SUPT3H: variants seen among roughly 807,000 people sequenced by gnomAD.
SUPT3H encodes the protein SPT3 homolog, SAGA and STAGA complex component.
Under a neutral mutation model 44.3 loss-of-function variants are expected in SUPT3H, and 44 were observed. That is an observed-to-expected ratio of 0.99 (90% CI 0.78 to 1.28). The LOEUF (loss-of-function observed/expected upper bound fraction) is 1.28. Among genes scored for constraint, SUPT3H ranks in the 50% most tolerant of loss-of-function variants. SUPT3H has a pLI of 0.00. For missense variants in SUPT3H, 380 were observed against 387.1 expected, an observed-to-expected ratio of 0.98 and a Z score of 0.15; for synonymous variants, 124 against 125.6, an observed-to-expected ratio of 0.99 and a Z score of 0.09.
At chr6:45,054,286 T>C (rs1790781916) in intron 3 of SUPT3H, among the ~76,000 whole-genome samples, 1 of 152,060 alleles carries the variant, frequency 6.6e-6, no homozygotes, top group Admixed American at 6.5e-5. Flanking sequence ...TTCTCTGAAG[T>C]AGGTCTTAAG....
intron 2 of SUPT3H, among the ~76,000 whole-genome samples, chr6:45,343,085 A>G (rs1490636592): frequency 3.9e-5 from 6 of 152,220 alleles, no homozygotes; most frequent in Non-Finnish European, 8.8e-5. Context: ...GTCTACACTG[A>G]TCTGACAAAA....
At chr6:45,331,692 A>G (rs1345221821) in intron 2 of SUPT3H, among the ~76,000 whole-genome samples, 1 of 151,990 alleles carries the variant, frequency 6.6e-6, no homozygotes, top group African/African-American at 2.4e-5. Flanking sequence ...TAAAACACTG[A>G]AAAGAAATTG....
intron 2 of SUPT3H, among the ~76,000 whole-genome samples, chr6:45,337,540 C>T (rs958994074): frequency 2.6e-5 from 4 of 151,784 alleles, no homozygotes; most frequent in African/African-American, 2.4e-5. Flanking sequence ...TCTTTTGCTA[C>T]GCCATAATGA....
chr6:45,278,434 C>CA (rs1178985334), intron 2 of SUPT3H, among the ~76,000 whole-genome samples: 1 of 152,056 alleles, frequency 6.6e-6, no homozygotes, highest in African/African-American at 2.4e-5. Flanking sequence ...TCCTATTCCA[C>CA]AAAAGCATTA....
At chr6:44,936,569 T>TA in intron 9 of SUPT3H, among the ~76,000 whole-genome samples, 1 of 152,236 alleles carries the variant, frequency 6.6e-6, no homozygotes, top group South Asian at 2.1e-4. Flanking sequence ...AGCTCTCACT[T>TA]ATAAGTAAGA....
intron 10 of SUPT3H, among the ~76,000 whole-genome samples, chr6:44,866,651 G>A (rs1775556679): frequency 6.6e-6 from 1 of 152,182 alleles, no homozygotes; most frequent in African/African-American, 2.4e-5. Flanking sequence ...CAGCTGGTGT[G>A]ACAACTCCTT....
chr6:44,873,450 AC>A, intron 10 of SUPT3H, among the ~76,000 whole-genome samples: 2 of 40,316 alleles, frequency 5.0e-5, no homozygotes, highest in South Asian at 2.2e-3. Flanking sequence ...TTTGAAACCA[AC>A]GAGAACAAAG....
chr6:45,130,937 G>A (rs28445910), intron 2 of SUPT3H, among the ~76,000 whole-genome samples: 2 of 151,676 alleles, frequency 1.3e-5, no homozygotes, highest in African/African-American at 2.4e-5. Context: ...GGCTGGTCTC[G>A]AACTCCCGAC....
At chr6:45,247,105 G>T (rs910732401) in intron 2 of SUPT3H, among the ~76,000 whole-genome samples, 6 of 152,132 alleles carry the variant, frequency 3.9e-5, no homozygotes, top group Admixed American at 2.6e-4. Flanking sequence ...ATGCTAAAAG[G>T]ATAATAAAGG....
chr6:45,128,522 AAAAAAAAAAAAATATATATAT>A (rs1802806171), intron 2 of SUPT3H, among the ~76,000 whole-genome samples: 1 of 59,972 alleles, frequency 1.7e-5, no homozygotes, highest in South Asian at 5.9e-4. Flanking sequence ...AAAAAAAAAA[AAAAAAAAAAAAATATATATAT>A]ATATATATAT....
chr6:44,950,521 G>C (rs1366225467), intron 9 of SUPT3H, among the ~76,000 whole-genome samples: 2 of 152,194 alleles, frequency 1.3e-5, no homozygotes, highest in Non-Finnish European at 2.9e-5. Flanking sequence ...ATGAGGCAGA[G>C]AGATGGCTTG....
intron 2 of SUPT3H, among the ~76,000 whole-genome samples, chr6:45,141,912 C>CA (rs1274500590): frequency 6.6e-6 from 1 of 152,036 alleles, no homozygotes; most frequent in Non-Finnish European, 1.5e-5. Context: ...AAATTCATCA[C>CA]AAAAAGATCA....
chr6:45,152,828 C>G (rs908164126), intron 2 of SUPT3H, among the ~76,000 whole-genome samples: 3 of 151,952 alleles, frequency 2.0e-5, no homozygotes, highest in Non-Finnish European at 2.9e-5. Flanking sequence ...CATATGCTCT[C>G]CTAATCAAAA....
intron 2 of SUPT3H, among the ~76,000 whole-genome samples, chr6:45,291,649 C>T (rs1780332258): frequency 1.3e-5 from 2 of 152,064 alleles, no homozygotes; most frequent in Non-Finnish European, 2.9e-5. Context: ...ACGCAAAATG[C>T]TCTGGAAAGT....
intron 6 of SUPT3H, among the ~76,000 whole-genome samples, chr6:44,997,735 C>CTT (rs148729163): frequency 6.6e-6 from 1 of 151,758 alleles, no homozygotes; most frequent in Non-Finnish European, 1.5e-5. Context: ...TGACAGAACT[C>CTT]TTAATATTTT....
At chr6:44,868,871 C>T (rs888452417) in intron 10 of SUPT3H, among the ~76,000 whole-genome samples, 6 of 152,240 alleles carry the variant, frequency 3.9e-5, no homozygotes, top group Admixed American at 6.5e-5. Context: ...TCACGGAATA[C>T]CATGGTTTTG....
chr6:45,217,873 G>C (rs998465934), intron 2 of SUPT3H, among the ~76,000 whole-genome samples: 25 of 151,032 alleles, frequency 1.7e-4, no homozygotes, highest in African/African-American at 2.2e-4. Flanking sequence ...CTGAGTGACA[G>C]AGCAAGACTC....
intron 2 of SUPT3H, among the ~76,000 whole-genome samples, chr6:45,222,591 T>G (rs1046918988): frequency 2.6e-5 from 4 of 152,158 alleles, no homozygotes; most frequent in Admixed American, 6.5e-5. Context: ...ACATTTCTGA[T>G]GACAATGTAA....
intron 6 of SUPT3H, among the ~76,000 whole-genome samples, chr6:44,988,130 T>C (rs1031763737): frequency 4.6e-5 from 7 of 152,056 alleles, no homozygotes; most frequent in African/African-American, 1.4e-4. Context: ...AGGGCAGGCA[T>C]TGGTGCAGTG....
Sources: gnomAD v4.1 joint callset for allele counts (sites outside exome capture counted in the v4.1 genomes callset) on GRCh38, gnomAD v4.1.1 for gene constraint, MANE v1.5 for transcripts, NCBI Gene and HGNC (gene_info 2026-07-23, HGNC 2026-07-21) for gene names.